Variants in MCPH1 observed in about 807,000 individuals in gnomAD.
MCPH1 encodes the protein microcephalin.
Under a neutral mutation model 84.5 loss-of-function variants are expected in MCPH1, and 104 were observed. The observed-to-expected ratio is 1.23, with a 90% CI of 1.05 to 1.45. MCPH1 has a LOEUF of 1.45. MCPH1 is among the 40% of genes most tolerant of loss of function. MCPH1 has a pLI of 0.00. For synonymous variants in MCPH1, 514 were observed against 366.8 expected (o/e 1.40, Z -4.58); for missense variants, 1,498 against 1,005.7 (o/e 1.49, Z -6.62).
chr8:6,626,147 T>A, intron 13 of MCPH1: 1 of 985,344 alleles, frequency 1.0e-6, no homozygotes, highest in Non-Finnish European at 1.2e-6. Flanking sequence ...AAGAATTTCT[T>A]TCGACCTCAG....
chr8:6,592,025 A>G (rs1828496513), intron 12 of MCPH1, among the ~76,000 whole-genome samples: 1 of 152,238 alleles, frequency 6.6e-6, no homozygotes. Flanking sequence ...GCTCTGTTAG[A>G]GTATCATCAC....
chr8:6,508,478 A>C, intron 12 of MCPH1: 1 of 185,950 alleles, frequency 5.4e-6, no homozygotes, highest in Non-Finnish European at 1.1e-5. Context: ...GTGTCTGTAA[A>C]TAAATAAATA....
rs1803994082 is a variant in MCPH1 at position 6,444,605 on chromosome 8, C to A, written c.883C>A (p.Leu295Ile). 6.2e-7 allele frequency: 1 copy of A among 1,614,186 alleles called. No individual in the cohort carries two copies. Among genetic ancestry groups the A allele is most frequent in the Non-Finnish European group, 8.5e-7 (1 of 1,180,024 alleles). The change falls in exon 8 of 14, where the codon CTT becomes ATT. Residue 295 changes from leucine (L) to isoleucine (I), a missense_variant. By Grantham distance (5) the Leu-to-Ile change is conservative. Transcript: ENST00000344683. ...KSSPQKFLSNLSKEEINLQRN... is the reference protein window; with the variant it reads ...KSSPQKFLSNISKEEINLQRN... ...AAGTCCTCAGAAATTTCTGAGTAAT[C>A]TTTCAAAGGAAGAAATAAACTTGCA...
At position 6,439,102 on chromosome 8, in the gene MCPH1, T is replaced by G. The variant is rs1211839800; in HGVS notation, c.580+6T>G. ...GGAAAATCTTTCCCCCACCTGTAAG[T>G]AATTAGTTTGTAAAATGAAAATTAT... is the stretch of plus-strand genomic sequence containing the variant. On this transcript the variant is annotated splice_donor_region_variant and intron_variant, in intron 6 of 13. Transcript: ENST00000344683. 12 of 1,612,132 alleles carry G rather than the reference T, an allele frequency of 7.4e-6. No homozygotes were observed. The East Asian group carries it at 2.7e-4, about 36-fold the overall frequency.
intron 3 of MCPH1, among the ~76,000 whole-genome samples, chr8:6,427,768 G>T (rs192495278): frequency 5.3e-4 from 78 of 148,300 alleles, no homozygotes; most frequent in Non-Finnish European, 2.8e-4. Context: ...TACCTAATAC[G>T]AGTACTTCGT....
At chr8:6,640,342 AT>A (rs1797863463) in intron 13 of MCPH1, among the ~76,000 whole-genome samples, 1 of 152,102 alleles carries the variant, frequency 6.6e-6, no homozygotes, top group Non-Finnish European at 1.5e-5. Flanking sequence ...CCTATTTCCT[AT>A]GTCCTATAAA....
chr8:6,446,823 G>A (rs1407098163), intron 8 of MCPH1: 4 of 985,200 alleles, frequency 4.1e-6, no homozygotes, highest in Non-Finnish European at 4.8e-6. Context: ...AAATCCCCGT[G>A]TTGCTGGGAG....
chr8:6,526,554 G>C (rs1322945187), intron 12 of MCPH1, among the ~76,000 whole-genome samples: 2 of 152,058 alleles, frequency 1.3e-5, no homozygotes, highest in African/African-American at 4.8e-5. Context: ...AAAAATATTT[G>C]AATTTTAAAA....
chr8:6,545,640 C>A (rs1403746345), intron 12 of MCPH1, among the ~76,000 whole-genome samples: 9 of 152,160 alleles, frequency 5.9e-5, no homozygotes, highest in Admixed American at 5.9e-4. Context: ...GCATAAAAGG[C>A]ATTTGCTCTT....
chr8:6,459,925 C>T (rs1806092929), intron 9 of MCPH1, among the ~76,000 whole-genome samples: 1 of 152,170 alleles, frequency 6.6e-6, no homozygotes, highest in African/African-American at 2.4e-5. Flanking sequence ...CTTGGTGTGG[C>T]CCGGGGATGG....
At chr8:6,523,415 C>A (rs959026721) in intron 12 of MCPH1, among the ~76,000 whole-genome samples, 2 of 152,170 alleles carry the variant, frequency 1.3e-5, no homozygotes, top group Non-Finnish European at 2.9e-5. Context: ...ACATACATTG[C>A]TATAAATATG....
chr8:6,578,857 C>T (rs1054409660), intron 12 of MCPH1, among the ~76,000 whole-genome samples: 6 of 152,168 alleles, frequency 3.9e-5, no homozygotes, highest in African/African-American at 1.4e-4. Flanking sequence ...GGAAGAGGTT[C>T]AACGTTGGGA....
intron 12 of MCPH1, among the ~76,000 whole-genome samples, chr8:6,614,018 C>T (rs1272925099): frequency 6.6e-6 from 1 of 152,138 alleles, no homozygotes; most frequent in Non-Finnish European, 1.5e-5. Flanking sequence ...CTGCAGACAT[C>T]GTTTGTACTT....
At position 6,414,771 on chromosome 8, in the gene MCPH1, A is replaced by G. The variant is rs767108053; in HGVS notation, c.121A>G (p.Lys41Glu). The G allele has an allele frequency of 8.1e-6, 13 of 1,613,716 alleles. No homozygotes were observed. Among genetic ancestry groups the G allele is most frequent in the South Asian group, 1.1e-5 (1 of 91,010 alleles). The change falls in exon 3 of 14, where the codon AAA becomes GAA. Residue 41 changes from lysine to glutamate, a missense_variant. By Grantham distance (56) the Lys-to-Glu change is moderately conservative (BLOSUM62 1). Transcript: ENST00000344683. ...QLVDMGAKVSKTFNKQVTHVI... is the reference protein window; with the variant it reads ...QLVDMGAKVSETFNKQVTHVI... ...TTCTGCATTTTGTCTACAGGTTTCA[A>G]AAACTTTTAACAAACAAGTAACTCA...
At chr8:6,577,897 C>T (rs1827241096) in intron 12 of MCPH1, among the ~76,000 whole-genome samples, 1 of 152,206 alleles carries the variant, frequency 6.6e-6, no homozygotes, top group Admixed American at 6.5e-5. Context: ...CTTCCTCCGC[C>T]TCCGGAGTAG....
intron 12 of MCPH1, chr8:6,508,458 A>G (rs575746101): frequency 5.6e-6 from 1 of 177,550 alleles, no homozygotes; most frequent in Non-Finnish European, 1.2e-5. Flanking sequence ...TAAATAAACA[A>G]CTGGAGACTG....
chr8:6,632,367 G>C (rs558400880), intron 13 of MCPH1, among the ~76,000 whole-genome samples: 1 of 152,026 alleles, frequency 6.6e-6, no homozygotes, highest in Non-Finnish European at 1.5e-5. Flanking sequence ...ACTTTTAAAG[G>C]CACCCTCCAC....
intron 12 of MCPH1, chr8:6,562,861 C>G (rs747672751): frequency 1.9e-6 from 3 of 1,613,180 alleles, no homozygotes; most frequent in Non-Finnish European, 2.5e-6. Context: ...GCTGTCCATG[C>G]TCTTCCGAAA....
chr8:6,450,246 A>T (rs1007694605), intron 8 of MCPH1, among the ~76,000 whole-genome samples: 1 of 152,098 alleles, frequency 6.6e-6, no homozygotes, highest in African/African-American at 2.4e-5. Flanking sequence ...TATCAGAAAG[A>T]CATTTATTAA....
Sources: gnomAD v4.1 joint callset for allele counts (sites outside exome capture counted in the v4.1 genomes callset) on GRCh38, gnomAD v4.1.1 for gene constraint, MANE v1.5 for transcripts, NCBI Gene and HGNC (gene_info 2026-07-23, HGNC 2026-07-21) for gene names.